Variants in ARHGAP17 observed in about 807,000 individuals in gnomAD.
ARHGAP17 encodes the protein rho GTPase-activating protein 17.
ARHGAP17 carries 57 observed loss-of-function variants against 99.5 expected under a neutral mutation model. The observed-to-expected ratio is 0.57, with a 90% CI of 0.46 to 0.71. ARHGAP17 has a LOEUF of 0.71. Ranked by LOEUF, ARHGAP17 falls within the 30% of genes least tolerant of loss-of-function variation. ARHGAP17 has a pLI of 0.00. For synonymous variants in ARHGAP17, 417 were observed against 429.6 expected, an observed-to-expected ratio of 0.97 and a Z score of 0.36; for missense variants, 1,000 against 1,122.4, an observed-to-expected ratio of 0.89 and a Z score of 1.56.
chr16:24,963,758 C>T (rs993804840), intron 7 of ARHGAP17, among the ~76,000 whole-genome samples: 6 of 152,202 alleles, frequency 3.9e-5, no homozygotes, highest in Non-Finnish European at 8.8e-5. Context: ...TCTCCAAGGA[C>T]ATATGAGCCA....
chr16:24,970,400 G>T, intron 4 of ARHGAP17, 107 bp downstream of exon 4: 3 of 1,056,692 alleles, frequency 2.8e-6, no homozygotes, highest in South Asian at 1.3e-5. Context: ...GATGAGCCAT[G>T]CCATCAACGC....
At chr16:24,989,332 C>T (rs890910804) in intron 1 of ARHGAP17, among the ~76,000 whole-genome samples, 53 of 152,204 alleles carry the variant, frequency 3.5e-4, no homozygotes, top group African/African-American at 1.3e-3. Flanking sequence ...CTCAGTCCAA[C>T]TTACAAGGAC....
intron 18 of ARHGAP17, among the ~76,000 whole-genome samples, chr16:24,931,614 C>T (rs1313049656): frequency 6.6e-6 from 1 of 152,056 alleles, no homozygotes; most frequent in Non-Finnish European, 1.5e-5. Context: ...AAATTGAAGG[C>T]CTTTCTTCAA....
intron 1 of ARHGAP17, among the ~76,000 whole-genome samples, chr16:24,996,370 C>A (rs1193929768): frequency 6.6e-6 from 1 of 152,114 alleles, no homozygotes. Flanking sequence ...GGGGATGGAG[C>A]ATTCATAAAA....
rs761130305 is a variant in ARHGAP17 at position 24,968,370 on chromosome 16, A to G, written c.442T>C (p.Trp148Arg). The change falls in exon 6 of 20, where the codon TGG becomes CGG. Residue 148 changes from tryptophan to arginine, a missense_variant. Coordinates refer to ENST00000289968, the MANE Select transcript of ARHGAP17 (RefSeq NM_001006634.3). The part of the protein sequence containing the change: ...RKQLARLVLD[W>R]DSVRARWNQA... ...TGTTACCTGGCTCTGACTGAATCCC[A>G]GTCTAACACCAATCTTGCAAGCTGC... 1.2e-6 allele frequency: 2 copies of G among 1,614,224 alleles called. No individual in the cohort carries two copies.
rs1179943458 is a variant in ARHGAP17 at position 24,983,010 on chromosome 16, T to A, written c.54-4005A>T. Among the ~76,000 whole-genome samples the A allele has an allele frequency of 9.2e-3, 800 of 86,644 alleles. 18 individuals carry two copies. The highest frequency in any genetic ancestry group is 0.014 in the Non-Finnish European group (615 of 45,268). 56.8% of individuals were successfully genotyped at this position (86,644 alleles called of 152,430 possible). A position where few individuals can be genotyped will look rare whatever the true frequency, so the allele number is the denominator to read the frequency against. ...TATATATATATATTTTTTTTTTTTTTTTTTTTTTTTTTGAGACAGGGTCTC... is the reference window on the plus strand; with the variant it reads ...TATATATATATATTTTTTTTTTTTTATTTTTTTTTTTTGAGACAGGGTCTC... On this transcript the variant is annotated intron_variant, in intron 1 of 19. Transcript: ENST00000289968.
chr16:24,935,674 A>G (rs2051121034), intron 17 of ARHGAP17, 35 bp from the exon 18 acceptor site: 15 of 1,603,136 alleles, frequency 9.4e-6, no homozygotes, highest in Non-Finnish European at 1.1e-5. Flanking sequence ...GACGTCAGAC[A>G]ATCCCAGCTA....
intron 1 of ARHGAP17, among the ~76,000 whole-genome samples, chr16:24,990,877 C>T (rs527527580): frequency 4.7e-5 from 7 of 150,240 alleles, no homozygotes; most frequent in African/African-American, 1.7e-4. Flanking sequence ...GGTGGCAGAA[C>T]GAGCAGCAGG....
chr16:24,941,778 G>T (rs2051318797), intron 16 of ARHGAP17: 1 of 625,110 alleles, frequency 1.6e-6, no homozygotes, highest in African/African-American at 1.8e-5. Context: ...ACACGTGGAA[G>T]AAACGTTAAC....
chr16:25,011,562 G>A (rs918970275), intron 1 of ARHGAP17, among the ~76,000 whole-genome samples: 3 of 152,038 alleles, frequency 2.0e-5, no homozygotes, highest in Non-Finnish European at 4.4e-5. Flanking sequence ...AAAATCAGTC[G>A]GGCATGGTGG....
intron 1 of ARHGAP17, among the ~76,000 whole-genome samples, chr16:24,985,061 G>A (rs2052817154): frequency 6.6e-6 from 1 of 152,106 alleles, no homozygotes; most frequent in Admixed American, 6.6e-5. Flanking sequence ...CTTCTCAACT[G>A]GAGGCAACTG....
chr16:24,996,915 A>C (rs1483072132), intron 1 of ARHGAP17, among the ~76,000 whole-genome samples: 4 of 149,432 alleles, frequency 2.7e-5, no homozygotes, highest in African/African-American at 9.8e-5. Flanking sequence ...GGGACAACCA[A>C]AAAAAAAAAA....
rs1368475804 is a variant in ARHGAP17 at position 24,952,293 on chromosome 16, C to T, written c.1042G>A (p.Ala348Thr). The T allele has an allele frequency of 1.9e-6, 3 of 1,610,956 alleles. No homozygotes were observed. The East Asian group carries it at 6.7e-5, about 36-fold the overall frequency. The change falls in exon 12 of 20, where the codon GCA becomes ACA. Residue 348 changes from alanine (A) to threonine (T), a missense_variant. Around this residue, in one of 2 missense-constraint regions of ARHGAP17, gnomAD observed 472 missense variants for 611.1 expected, o/e 0.77. Transcript: ENST00000289968. ...CTCTGTGTTCTTTAAACTTACCTTG[C>T]AACTTGTGTCCATTCTTCATACAGA... ...FNLYEEWTQV[A>T]SVQDQDKKLQ...
chr16:24,998,351 G>A (rs1463803633), intron 1 of ARHGAP17, among the ~76,000 whole-genome samples: 1 of 152,012 alleles, frequency 6.6e-6, no homozygotes, highest in Non-Finnish European at 1.5e-5. Flanking sequence ...ATGGCACAGA[G>A]GGGAGGCTGG....
intron 1 of ARHGAP17, among the ~76,000 whole-genome samples, chr16:25,003,707 C>T (rs1191268484): frequency 6.6e-6 from 1 of 151,806 alleles, no homozygotes; most frequent in African/African-American, 2.4e-5. Flanking sequence ...ACCTGTAATC[C>T]CAGCTACTCA....
intron 10 of ARHGAP17, among the ~76,000 whole-genome samples, chr16:24,954,369 T>C (rs1005518427): frequency 3.3e-5 from 5 of 152,212 alleles, no homozygotes; most frequent in African/African-American, 9.7e-5. Context: ...AAGGTAAACA[T>C]TGTTTTGTAA....
At chr16:24,974,300 G>C (rs908790953) in intron 3 of ARHGAP17, among the ~76,000 whole-genome samples, 1 of 152,046 alleles carries the variant, frequency 6.6e-6, no homozygotes, top group South Asian at 2.1e-4. Context: ...GCTTGGTGGC[G>C]TGCACCTGTA....
At chr16:24,927,596 G>C (rs2050874701) in intron 19 of ARHGAP17, 2 of 570,524 alleles carry the variant, frequency 3.5e-6, no homozygotes, top group East Asian at 1.5e-4. Flanking sequence ...GGCAGGGTTA[G>C]GGTGGCCAGT....
intron 16 of ARHGAP17, among the ~76,000 whole-genome samples, chr16:24,940,691 T>C: frequency 6.6e-6 from 1 of 151,778 alleles, no homozygotes; most frequent in East Asian, 1.9e-4. Flanking sequence ...CATAACCCTG[T>C]CTCAAAAAAA....
Sources: allele counts gnomAD v4.1 joint callset (sites outside exome capture counted in the v4.1 genomes callset), GRCh38; gene constraint gnomAD v4.1.1; regional missense constraint gnomAD v4.1.1; transcripts MANE v1.5; gene names NCBI Gene and HGNC (gene_info 2026-07-23, HGNC 2026-07-21).